MARK3: variants seen among roughly 807,000 people sequenced by gnomAD.
MARK3 encodes the protein microtubule affinity regulating kinase 3, also known as MAP/microtubule affinity-regulating kinase 3.
In MARK3, 46 loss-of-function variants were observed where a neutral mutation model predicts 90.1. The ratio of observed to expected loss-of-function variants is 0.51; its 90% CI spans 0.40 to 0.65. MARK3 has a LOEUF of 0.65. Ranked by LOEUF, MARK3 falls within the 30% of genes least tolerant of loss-of-function variation. MARK3 has a pLI of 0.00. For synonymous variants in MARK3, 321 were observed against 332.6 expected (o/e 0.97, Z 0.38); for missense variants, 818 against 947.2 (o/e 0.86, Z 1.79).
Position 103,466,445 on chromosome 14 carries a change from A to C in MARK3, c.997+3A>C, listed in dbSNP as rs1246329278. On this transcript the variant is annotated splice_donor_region_variant and intron_variant, in intron 10 of 17. Coordinates refer to ENST00000429436, the MANE Select transcript of MARK3 (RefSeq NM_001128918.3). ...CATCTCAGACCAAAAAAGAATAGGT[A>C]ATCACTCCATGCCTGCATGTTCATG... 6.3e-7 allele frequency: 1 copy of C among 1,588,786 alleles called. No individual in the cohort carries two copies. The highest frequency in any genetic ancestry group is 8.6e-7 in the Non-Finnish European group (1 of 1,157,814).
intron 3 of MARK3, chr14:103,429,214 G>C (rs2092505700): frequency 2.0e-5 from 3 of 152,184 alleles, no homozygotes; most frequent in Admixed American, 2.0e-4. Context: ...AGTAGTTGAG[G>C]GGGGTACAGA....
chr14:103,429,902 G>A (rs947091785), intron 3 of MARK3, among the ~76,000 whole-genome samples: 5 of 152,008 alleles, frequency 3.3e-5, no homozygotes, highest in African/African-American at 9.7e-5. Flanking sequence ...CAGTTTTCCC[G>A]GAAAAATTTT....
chr14:103,470,092 A>G (rs2093596174), intron 12 of MARK3, among the ~76,000 whole-genome samples: 1 of 152,022 alleles, frequency 6.6e-6, no homozygotes, highest in South Asian at 2.1e-4. Flanking sequence ...ACTTAAGTGT[A>G]ATATATAGCC....
At position 103,475,056 on chromosome 14, in the gene MARK3, G is replaced by A; in HGVS notation, c.1328G>A (p.Ser443Asn). Residue 443 changes from serine to asparagine, a missense_variant, in exon 13 of 18, where the codon AGT becomes AAT. By Grantham distance (46) the Ser-to-Asn change is conservative. Around this residue, in one of 3 missense-constraint regions of MARK3, gnomAD observed 560 missense variants for 613.5 expected, o/e 0.91. Transcript: ENST00000429436. ...PKRSQTSTAD[S>N]DLKEDGISSR... ...AGGAGTCAGACCAGCACTGCAGATA[G>A]TGACCTCAAAGAAGATGGAATTTCC... The A allele has an allele frequency of 4.3e-6, 7 of 1,614,214 alleles. No homozygotes were observed. Among genetic ancestry groups the A allele is most frequent in the Non-Finnish European group, 5.9e-6 (7 of 1,180,032 alleles).
intron 6 of MARK3, 38 bp downstream of exon 6, chr14:103,457,250 AT>A: frequency 7.0e-7 from 1 of 1,431,034 alleles, no homozygotes; most frequent in Non-Finnish European, 9.8e-7. Flanking sequence ...CAATTTGATA[AT>A]TTATCTCACT....
chr14:103,428,421 A>C lies in MARK3; in HGVS notation c.278A>C (p.Asn93Thr). ...AAAATAATTGACAAAACTCAGTTGAATCCAACAAGTCTACAAAAGGTAAGA... is the reference window on the plus strand; with the variant it reads ...AAAATAATTGACAAAACTCAGTTGACTCCAACAAGTCTACAAAAGGTAAGA... Reference protein sequence around the residue: ...AIKIIDKTQLNPTSLQKLFRE... With the variant: ...AIKIIDKTQLTPTSLQKLFRE... Residue 93 changes from asparagine to threonine, a missense_variant, in exon 3 of 18, where the codon AAT becomes ACT. By Grantham distance (65) the Asn-to-Thr change is moderately conservative. Coordinates refer to ENST00000429436, the MANE Select transcript of MARK3 (RefSeq NM_001128918.3). The C allele has an allele frequency of 6.6e-7, 1 of 1,505,004 alleles. No individual in the cohort carries two copies. Among genetic ancestry groups the C allele is most frequent in the South Asian group, 1.3e-5 (1 of 79,620 alleles). The allele number at this position is 1,505,004 out of a possible 1,614,324, so 93.2% of individuals were successfully genotyped here. A position where few individuals can be genotyped will look rare whatever the true frequency, so the allele number is the denominator to read the frequency against.
At chr14:103,438,770 G>A (rs576924505) in intron 3 of MARK3, among the ~76,000 whole-genome samples, 20 of 152,080 alleles carry the variant, frequency 1.3e-4, no homozygotes, top group African/African-American at 4.6e-4. Context: ...AAGGCAGGCA[G>A]ATTGCTGAGC....
chr14:103,420,102 A>C (rs985189645), intron 2 of MARK3, among the ~76,000 whole-genome samples: 6 of 152,238 alleles, frequency 3.9e-5, no homozygotes, highest in African/African-American at 1.4e-4. Flanking sequence ...ATGTTATATA[A>C]CTAAAAAGCA....
At chr14:103,467,316 C>A in intron 11 of MARK3, 125 bp downstream of exon 11, 1 of 526,990 alleles carries the variant, frequency 1.9e-6, no homozygotes, top group Non-Finnish European at 3.4e-6. Flanking sequence ...GATTTACTTG[C>A]AAATAGCAAA....
rs1408491960 is a variant in MARK3, at chr14:103,457,227, G to A, written c.483+15G>A. On this transcript the variant is annotated intron_variant, in intron 6 of 17. Transcript: ENST00000429436. ...AATTTAGACAGGTATGAATTAATGT[G>A]TCTTTACTATGTCAATTTGATAATT... 6.4e-7 allele frequency: 1 copy of A among 1,556,146 alleles called. No homozygotes were observed. The highest frequency in any genetic ancestry group is 8.9e-7 in the Non-Finnish European group (1 of 1,128,850).
rs560167611 is a variant in MARK3 at position 103,466,413 on chromosome 14, A to G, written c.968A>G (p.Glu323Gly). ...EDELKPFVEP[E>G]LDISDQKRID... ...GAACTCAAACCATTTGTTGAACCAGAGCTAGACATCTCAGACCAAAAAAGA... is the reference window on the plus strand; with the variant it reads ...GAACTCAAACCATTTGTTGAACCAGGGCTAGACATCTCAGACCAAAAAAGA... Residue 323 changes from glutamate to glycine, a missense_variant, in exon 10 of 18, where the codon GAG (glutamate) becomes GGG (glycine). By Grantham distance (98) the Glu-to-Gly change is moderately conservative. Transcript: ENST00000429436. 18 of 1,613,780 alleles carry G rather than the reference A, an allele frequency of 1.1e-5. 1 individual carries two copies. In the East Asian group the frequency reaches 3.3e-4, roughly 30 times the overall value.
intron 7 of MARK3, among the ~76,000 whole-genome samples, chr14:103,464,289 CTTTTTTTTTTT>C (rs143005949): frequency 1.5e-5 from 1 of 68,636 alleles, no homozygotes; most frequent in African/African-American, 6.1e-5. Flanking sequence ...TGATTTGTCT[CTTTTTTTTTTT>C]TTTTTTTTTT....
chr14:103,458,663 T>C (rs974238507), intron 6 of MARK3: 13 of 634,464 alleles, frequency 2.0e-5, no homozygotes, highest in Admixed American at 1.0e-4. Flanking sequence ...AAGGCCTACA[T>C]TGAAATGGAA....
chr14:103,389,493 A>G (rs1041905181), intron 1 of MARK3, among the ~76,000 whole-genome samples: 3 of 120,628 alleles, frequency 2.5e-5, no homozygotes, highest in Non-Finnish European at 4.8e-5. Context: ...ATGCCACTGC[A>G]CTGCAGCCTG....
At chr14:103,441,387 C>T (rs1300643661) in intron 3 of MARK3, 1 of 152,192 alleles carries the variant, frequency 6.6e-6, no homozygotes, top group African/African-American at 2.4e-5. Flanking sequence ...CGGGTTCACG[C>T]CATTCTCCTG....
chr14:103,413,083 A>G (rs2091753619), intron 2 of MARK3, among the ~76,000 whole-genome samples: 1 of 152,000 alleles, frequency 6.6e-6, no homozygotes, highest in Non-Finnish European at 1.5e-5. Flanking sequence ...CATGTTGGTC[A>G]GACTGGTCTC....
intron 6 of MARK3, 79 bp downstream of exon 6, chr14:103,457,291 C>T: frequency 9.2e-7 from 1 of 1,087,350 alleles, no homozygotes; most frequent in Non-Finnish European, 1.4e-6. Context: ...GTGTTTGCCT[C>T]CATAAATGCT....
Position 103,503,430 on chromosome 14 carries a change from C to G in MARK3, c.*203C>G, listed in dbSNP as rs1273966750. 5.3e-6 allele frequency: 3 copies of G among 570,728 alleles called. No homozygotes were observed. Among genetic ancestry groups the G allele is most frequent in the African/African-American group, 3.8e-5 (2 of 53,156 alleles). The allele number at this position is 570,728 out of a possible 1,614,324, so 35.4% of individuals were successfully genotyped here. A position where few individuals can be genotyped will look rare whatever the true frequency, so the allele number is the denominator to read the frequency against. On this transcript the variant is annotated 3_prime_UTR_variant, in exon 18 of 18. Transcript: ENST00000429436. The stretch of plus-strand genomic sequence containing the variant: ...ATTAAAGATGTGCAACCTATGCGCC[C>G]CCTGCCCTACTTCCGTTACCCTGAG...
At chr14:103,403,459 A>G (rs757252436) in intron 1 of MARK3, among the ~76,000 whole-genome samples, 1 of 152,064 alleles carries the variant, frequency 6.6e-6, no homozygotes, top group South Asian at 2.1e-4. Context: ...TCTGAACACT[A>G]TAGTGGTTAG....
Sources: gnomAD v4.1 joint callset for allele counts (sites outside exome capture counted in the v4.1 genomes callset) on GRCh38, gnomAD v4.1.1 for gene constraint, gnomAD v4.1.1 regional missense constraint, MANE v1.5 for transcripts, NCBI Gene and HGNC (gene_info 2026-07-23, HGNC 2026-07-21) for gene names.